The following LAMA1 variants were observed in gnomAD, a reference collection of about 807,000 sequenced individuals.
LAMA1 encodes laminin subunit alpha 1.
LAMA1 carries 219 observed loss-of-function variants against 348.7 expected under a neutral mutation model. That is an observed-to-expected ratio of 0.63 (90% CI 0.56 to 0.70). LAMA1 has a LOEUF of 0.70. LAMA1 is among the 30% of genes least tolerant of loss of function. The probability of loss-of-function intolerance (pLI) is 0.00; values close to 1 mark genes in which losing one functional copy is unlikely to be tolerated. For missense variants in LAMA1, 3,744 were observed against 3,888.0 expected (o/e 0.96, Z 0.99); for synonymous variants, 1,487 against 1,491.0 (o/e 1.00, Z 0.06).
chr18:7,019,773 C>G (rs994200170), intron 19 of LAMA1, among the ~76,000 whole-genome samples: 1 of 150,660 alleles, frequency 6.6e-6, no homozygotes, highest in African/African-American at 2.5e-5. Context: ...CCTCCGCCTC[C>G]CAGGCTCAAG....
At chr18:7,005,894 A>C (rs2057829748) in intron 29 of LAMA1, among the ~76,000 whole-genome samples, 3 of 152,176 alleles carry the variant, frequency 2.0e-5, no homozygotes, top group African/African-American at 7.2e-5. Flanking sequence ...AAGAGGGAAA[A>C]CCAGAATCAA....
rs144126568 is a variant in LAMA1, at chr18:7,012,082, G to A, written c.3420C>T (p.Arg1140=). The change falls in exon 24 of 63, where the codon CGC becomes CGT. Residue 1140 remains arginine, a synonymous_variant. Transcript: ENST00000389658. ...GGCTGCAGCCCAGGGGGTTGTCTGC[G>A]CGGAGAGCGAAGGTGCCCTCTCGAC... The part of the protein sequence containing the change: ...NECREGTFAL[R]ADNPLGCSPC... The A allele has an allele frequency of 2.7e-5, 44 of 1,613,318 alleles. No homozygotes were observed. Among genetic ancestry groups the A allele is most frequent in the African/African-American group, 1.3e-4 (10 of 74,938 alleles).
In LAMA1 at chr18:6,958,516, G is replaced by C; in HGVS notation, c.7925C>G (p.Ser2642Trp). The change falls in exon 55 of 63, where the codon TCG (serine) becomes TGG (tryptophan). Residue 2642 changes from serine to tryptophan, a missense_variant. Physicochemically the swap from Ser to Trp is radical, Grantham distance 177. Transcript: ENST00000389658. ...CAGGTTTTTGATACAGCCATGGAAC[G>C]ATCTTCTCATTGTGAGCAGTGACGT... ...EGTSLLTMRR[S>W]FHGCIKNLIF... 6.2e-7 allele frequency: 1 copy of C among 1,614,132 alleles called. No individual in the cohort carries two copies. Among genetic ancestry groups the C allele is most frequent in the South Asian group, 1.1e-5 (1 of 91,078 alleles).
chr18:6,958,468 T>C lies in LAMA1; in HGVS notation c.7964+9A>G, dbSNP rs763081583. ...AGTGCAAGAACATGCAGAGAGCAGG[T>C]ACACTTACTCCAAATTGAAGATCAG... is the stretch of plus-strand genomic sequence containing the variant. On this transcript the variant is annotated intron_variant, in intron 55 of 62. Coordinates refer to ENST00000389658, the MANE Select transcript of LAMA1 (RefSeq NM_005559.4). The C allele has an allele frequency of 5.6e-6, 9 of 1,614,138 alleles. No homozygotes were observed. The highest frequency in any genetic ancestry group is 6.8e-6 in the Non-Finnish European group (8 of 1,179,960).
At position 7,055,256 on chromosome 18, in the gene LAMA1, G is replaced by T. The variant is rs979206739; in HGVS notation, c.346-4320C>A. 9.2e-5 allele frequency among the ~76,000 whole-genome samples: 14 copies of T among 151,744 alleles called. No individual in the cohort carries two copies. In the East Asian group the frequency reaches 2.1e-3, roughly 23 times the overall value. ...ACTCGAGGTCAGGAGTTCGAGACCA[G>T]CCTGGCCAACATGGTGAAACCCCAT... On this transcript the variant is annotated intron_variant, in intron 3 of 62. Transcript: ENST00000389658.
At chr18:7,025,880 C>A in intron 17 of LAMA1, 99 bp downstream of exon 17, 1 of 1,488,474 alleles carries the variant, frequency 6.7e-7, no homozygotes, top group Non-Finnish European at 9.2e-7. Context: ...AATTCACACA[C>A]GTATTACACA....
chr18:6,997,279 G>T (rs1267495559), intron 33 of LAMA1, among the ~76,000 whole-genome samples: 2 of 152,164 alleles, frequency 1.3e-5, no homozygotes, highest in African/African-American at 2.4e-5. Flanking sequence ...GGCCAGGATG[G>T]TCTCGATCTC....
intron 19 of LAMA1, among the ~76,000 whole-genome samples, chr18:7,022,496 T>C (rs591004): frequency 0.36 from 54,501 of 152,028 alleles, 10,900 homozygotes; most frequent in African/African-American, 0.54. Flanking sequence ...TGTGTCCCCA[T>C]GTCGTAGTAC....
chr18:6,946,899 T>C (rs1038905432), intron 61 of LAMA1, among the ~76,000 whole-genome samples: 1 of 152,150 alleles, frequency 6.6e-6, no homozygotes, highest in African/African-American at 2.4e-5. Flanking sequence ...TATTCTCAGA[T>C]GGTTCAGGAA....
chr18:6,976,394 A>G (rs2057682420), intron 44 of LAMA1, among the ~76,000 whole-genome samples: 2 of 152,224 alleles, frequency 1.3e-5, no homozygotes. Flanking sequence ...GCCTGACACA[A>G]AGAAAGAGGG....
chr18:7,049,225 G>T lies in LAMA1; in HGVS notation c.621C>A (p.Ser207Arg), dbSNP rs756452947. 1.2e-6 allele frequency: 2 copies of T among 1,614,064 alleles called. No individual in the cohort carries two copies. Among genetic ancestry groups the T allele is most frequent in the Non-Finnish European group, 8.5e-7 (1 of 1,179,976 alleles). Residue 207 changes from serine (S) to arginine (R), a missense_variant, in exon 5 of 63, where the codon AGC becomes AGA. Transcript: ENST00000389658. Reference sequence around the variant, plus strand: ...ACAACTTGGGTGAAAGATCGTCAGCGCTTGGTCTGCCATTGATGAGTGATG... The same window carrying T: ...ACAACTTGGGTGAAAGATCGTCAGCTCTTGGTCTGCCATTGATGAGTGATG... ...IHTSLINGRP[S>R]ADDLSPKLLE...
chr18:7,031,943 C>G, intron 16 of LAMA1, 123 bp downstream of exon 16: 21 of 595,582 alleles, frequency 3.5e-5, no homozygotes, highest in East Asian at 6.4e-5. Flanking sequence ...TGTAAATTTT[C>G]TTTGGGGTCT....
intron 56 of LAMA1, 163 bp from the exon 57 acceptor site, chr18:6,955,628 A>G (rs1355274788): frequency 1.4e-6 from 1 of 697,540 alleles, no homozygotes; most frequent in African/African-American, 1.8e-5. Flanking sequence ...TAAATGATGC[A>G]CTCGCCAGCG....
intron 17 of LAMA1, among the ~76,000 whole-genome samples, chr18:7,024,969 C>T (rs2057935824): frequency 6.6e-6 from 1 of 152,194 alleles, no homozygotes; most frequent in Non-Finnish European, 1.5e-5. Context: ...AACGGATGCC[C>T]CTTCCAACCC....
chr18:7,018,517 T>A (rs2057900072), intron 19 of LAMA1, among the ~76,000 whole-genome samples: 1 of 149,866 alleles, frequency 6.7e-6, no homozygotes, highest in East Asian at 2.1e-4. Context: ...TGCCTCAGCC[T>A]CCCGAGTAGC....
At chr18:6,972,052 C>A in intron 47 of LAMA1, 71 bp from the exon 48 acceptor site, 1 of 1,579,054 alleles carries the variant, frequency 6.3e-7, no homozygotes. Context: ...TCCAAGTGCA[C>A]AAAACTTCTC....
At chr18:7,018,336 CAAA>C (rs764975447) in intron 19 of LAMA1, among the ~76,000 whole-genome samples, 3 of 44,200 alleles carry the variant, frequency 6.8e-5, no homozygotes, top group African/African-American at 3.0e-4. Context: ...AACTCCATCT[CAAA>C]AAAAAAAAAA....
intron 51 of LAMA1, 93 bp from the exon 52 acceptor site, chr18:6,962,152 T>C: frequency 1.2e-6 from 1 of 849,280 alleles, no homozygotes; most frequent in Non-Finnish European, 2.0e-6. Flanking sequence ...CAAGGCACAG[T>C]GGCTTATGCC....
At chr18:7,018,764 A>G (rs573620339) in intron 19 of LAMA1, among the ~76,000 whole-genome samples, 88 of 152,282 alleles carry the variant, frequency 5.8e-4, no homozygotes, top group Non-Finnish European at 1.0e-3. Flanking sequence ...ACAATGTAAG[A>G]AAAAAGAGAG....
Sources: allele counts gnomAD v4.1 joint callset (sites outside exome capture counted in the v4.1 genomes callset), GRCh38; gene constraint gnomAD v4.1.1; transcripts MANE v1.5; gene names NCBI Gene and HGNC (gene_info 2026-07-23, HGNC 2026-07-21).